The following ADARB1 variants were observed in gnomAD, a reference collection of about 807,000 sequenced individuals.
ADARB1 encodes adenosine deaminase RNA specific B1, also known as double-stranded RNA-specific editase 1.
A neutral mutation model predicts 52.4 loss-of-function variants in ADARB1; 10 were observed. The ratio of observed to expected loss-of-function variants is 0.19; its 90% confidence interval spans 0.12 to 0.32. The LOEUF is 0.32. Among genes scored for constraint, ADARB1 ranks in the 10% least tolerant of loss-of-function variants. The pLI, the probability that ADARB1 is intolerant of heterozygous loss-of-function variation, is 1.00. For synonymous variants in ADARB1, 349 were observed against 371.1 expected (o/e 0.94, Z 0.68); for missense variants, 643 against 922.3 (o/e 0.70, Z 3.92).
chr21:45,107,847 A>T (rs994656920), intron 1 of ADARB1, among the ~76,000 whole-genome samples: 3 of 152,222 alleles, frequency 2.0e-5, no homozygotes, highest in African/African-American at 7.2e-5. Context: ...ATTTGACTGC[A>T]TTCCAAAATA....
chr21:45,139,762 TATTC>T (rs1372525322), intron 2 of ADARB1, among the ~76,000 whole-genome samples: 1 of 152,192 alleles, frequency 6.6e-6, no homozygotes, highest in Non-Finnish European at 1.5e-5. Flanking sequence ...TTTTCCAGCT[TATTC>T]ATTCTGTTTC....
intron 2 of ADARB1, among the ~76,000 whole-genome samples, chr21:45,143,993 T>A (rs1275638517): frequency 5.3e-5 from 8 of 152,200 alleles, no homozygotes; most frequent in Non-Finnish European, 7.3e-5. Context: ...GGAAAGCAGA[T>A]GTTAACGTCT....
intron 1 of ADARB1, among the ~76,000 whole-genome samples, chr21:45,091,572 C>G (rs1032006022): frequency 1.3e-5 from 2 of 152,188 alleles, no homozygotes; most frequent in Admixed American, 1.3e-4. Flanking sequence ...GTCTATGGCT[C>G]AGAGGGAGAG....
In ADARB1 at chr21:45,220,785, C is replaced by T. The variant is rs753367462; in HGVS notation, c.1748-51C>T. On this transcript the variant is annotated intron_variant, in intron 9 of 10. Coordinates refer to ENST00000348831, the MANE Select transcript of ADARB1 (RefSeq NM_001112.4). This position sits in a 1 kb window ranked among gnomAD's most constrained non-coding sequence, Gnocchi z 6.3. ...GTGTGCCGCCCGTGGCTGCTCCCTC[C>T]CTGGGGGTGAAAGCGGGCTTCACAC... 2 of 1,594,698 alleles carry T rather than the reference C, an allele frequency of 1.3e-6. No individual in the cohort carries two copies. Among genetic ancestry groups the T allele is most frequent in the Non-Finnish European group, 1.7e-6 (2 of 1,167,062 alleles).
At chr21:45,206,244 A>G (rs538670535) in intron 9 of ADARB1, among the ~76,000 whole-genome samples, 2 of 152,362 alleles carry the variant, frequency 1.3e-5, no homozygotes, top group South Asian at 4.1e-4. Context: ...TACTTAAAAC[A>G]TTGCATGTGG....
intron 1 of ADARB1, among the ~76,000 whole-genome samples, chr21:45,091,397 T>C (rs2086555904): frequency 6.6e-6 from 1 of 152,234 alleles, no homozygotes; most frequent in Non-Finnish European, 1.5e-5. Flanking sequence ...ATTTTTACTT[T>C]AGAAAGGTTA....
chr21:45,106,839 C>T (rs764580132), intron 1 of ADARB1, among the ~76,000 whole-genome samples: 2 of 152,134 alleles, frequency 1.3e-5, no homozygotes, highest in African/African-American at 4.8e-5. Context: ...TGCGTCAGAG[C>T]AGGGCTTGTG....
chr21:45,188,640 A>G (rs1458451422), intron 8 of ADARB1, among the ~76,000 whole-genome samples: 1 of 151,542 alleles, frequency 6.6e-6, no homozygotes, highest in Non-Finnish European at 1.5e-5. Flanking sequence ...CATTTACCCA[A>G]TCTGTATCTT....
chr21:45,115,316 T>C (rs1203415097), intron 1 of ADARB1, among the ~76,000 whole-genome samples: 1 of 152,128 alleles, frequency 6.6e-6, no homozygotes, highest in African/African-American at 2.4e-5. Flanking sequence ...GCTGAGTTGG[T>C]TCAGTCTGGG....
At position 45,222,148 on chromosome 21, in the gene ADARB1, C is replaced by T. The variant is rs2092976840; in HGVS notation, c.2057C>T (p.Ala686Val). 6.2e-7 allele frequency: 1 copy of T among 1,607,250 alleles called. No individual in the cohort carries two copies. The highest frequency in any genetic ancestry group is 8.5e-7 in the Non-Finnish European group (1 of 1,177,400). ...GCCTTCATCAAGGCGGGGCTGGGGG[C>T]CTGGGTGGAGAAGCCCACCGAGCAG... is the stretch of plus-strand genomic sequence containing the variant. Reference protein sequence around the residue: ...FTAFIKAGLGAWVEKPTEQDQ... With the variant: ...FTAFIKAGLGVWVEKPTEQDQ... The change falls in exon 11 of 11, where the codon GCC becomes GTC. Residue 686 changes from alanine to valine, a missense_variant. By Grantham distance (64) the Ala-to-Val change is moderately conservative. Transcript: ENST00000348831.
At position 45,217,585 on chromosome 21, in the gene ADARB1, T is replaced by C. The variant is rs763063345; in HGVS notation, c.1748-3251T>C. Among the ~76,000 whole-genome samples the C allele has an allele frequency of 2.6e-4, 39 of 152,310 alleles. 1 individual carries two copies. The highest frequency in any genetic ancestry group is 5.3e-4 in the Non-Finnish European group (36 of 68,016). On this transcript the variant is annotated intron_variant, in intron 9 of 10. Transcript: ENST00000348831. ...TTATTTTCATCTTAATAATTATCTT[T>C]TAAAGGAATTTAAATAATAAGAAAA...
At chr21:45,136,040 A>C (rs117197123) in intron 2 of ADARB1, among the ~76,000 whole-genome samples, 2 of 152,152 alleles carry the variant, frequency 1.3e-5, no homozygotes, top group Admixed American at 6.5e-5. Flanking sequence ...GCCTGTGTTC[A>C]TCCTGTGGTG....
At chr21:45,160,701 A>G (rs2090918729) in intron 2 of ADARB1, among the ~76,000 whole-genome samples, 1 of 152,230 alleles carries the variant, frequency 6.6e-6, no homozygotes, top group Non-Finnish European at 1.5e-5. Flanking sequence ...AACAAGGTAG[A>G]ATTTTATTTG....
chr21:45,174,592 A>T (rs922103540), intron 3 of ADARB1, among the ~76,000 whole-genome samples: 1 of 151,934 alleles, frequency 6.6e-6, no homozygotes, highest in Non-Finnish European at 1.5e-5. Context: ...AGTCCCAGCT[A>T]CTCGGGAGGC....
Position 45,168,381 on chromosome 21 carries a change from A to G in ADARB1, c.-47-3229A>G, listed in dbSNP as rs141357569. ...TTGTGCTTTTGGTGTGAAGTCTAAAAACTCTTTGCCTAGCCCTAGATCCTG... is the reference window on the plus strand; with the variant it reads ...TTGTGCTTTTGGTGTGAAGTCTAAAGACTCTTTGCCTAGCCCTAGATCCTG... On this transcript the variant is annotated intron_variant, in intron 2 of 10. Coordinates refer to ENST00000348831, the MANE Select transcript of ADARB1 (RefSeq NM_001112.4). Among the ~76,000 whole-genome samples the G allele has an allele frequency of 3.8e-3, 581 of 152,252 alleles. 6 individuals are homozygous for G. The highest frequency in any genetic ancestry group is 0.012 in the African/African-American group (509 of 41,532).
intron 2 of ADARB1, among the ~76,000 whole-genome samples, chr21:45,163,015 CCAA>C (rs2091059068): frequency 6.6e-6 from 1 of 152,206 alleles, no homozygotes; most frequent in Non-Finnish European, 1.5e-5. Context: ...GCCCACTCGG[CCAA>C]CTGTCGTTTT....
intron 2 of ADARB1, among the ~76,000 whole-genome samples, chr21:45,147,988 G>C (rs531467628): frequency 3.3e-5 from 5 of 151,952 alleles, no homozygotes; most frequent in Admixed American, 3.3e-4. Context: ...GATGTGCAGG[G>C]CCTTGCGGTA....
chr21:45,195,791 C>A (rs1601900188), intron 8 of ADARB1, among the ~76,000 whole-genome samples: 2 of 152,070 alleles, frequency 1.3e-5, no homozygotes, highest in South Asian at 4.1e-4. Context: ...TTCACCAATA[C>A]CATGCTGTCC....
At chr21:45,089,458 T>C (rs954191005) in intron 1 of ADARB1, among the ~76,000 whole-genome samples, 18 of 152,210 alleles carry the variant, frequency 1.2e-4, no homozygotes, top group Admixed American at 1.1e-3. Flanking sequence ...GTCGATTTTT[T>C]TTTTCTAAAA....
Sources: gnomAD v4.1 joint callset for allele counts (sites outside exome capture counted in the v4.1 genomes callset) on GRCh38, gnomAD v4.1.1 for gene constraint, Gnocchi (gnomAD v3.1) non-coding constraint, MANE v1.5 for transcripts, NCBI Gene and HGNC (gene_info 2026-07-23, HGNC 2026-07-21) for gene names.